Variants in TUSC3 observed in about 807,000 individuals in gnomAD.
TUSC3 encodes dolichyl-diphosphooligosaccharide--protein glycosyltransferase subunit TUSC3.
A neutral mutation model predicts 44.8 loss-of-function variants in TUSC3; 45 were observed. The ratio of observed to expected loss-of-function variants is 1.00; its 90% CI spans 0.79 to 1.29. The LOEUF is 1.29. Ranked by LOEUF, TUSC3 falls within the 50% of genes most tolerant of loss-of-function variation. The pLI is 0.00. For synonymous variants in TUSC3, 212 were observed against 152.9 expected (o/e 1.39, Z -2.85); for missense variants, 519 against 437.9 (o/e 1.19, Z -1.65).
chr8:15,741,962 ATGT>A (rs1238088848), intron 7 of TUSC3, among the ~76,000 whole-genome samples: 3 of 152,160 alleles, frequency 2.0e-5, no homozygotes, highest in Non-Finnish European at 4.4e-5. Flanking sequence ...AATTTTTATC[ATGT>A]TGTTATTAAC....
At chr8:15,433,738 T>C (rs781756963) in intron 1 of TUSC3, among the ~76,000 whole-genome samples, 3 of 152,176 alleles carry the variant, frequency 2.0e-5, no homozygotes, top group South Asian at 2.1e-4. Context: ...TTGAGTGTTT[T>C]TGATGTTAAT....
chr8:15,578,818 T>C (rs569231659), intron 1 of TUSC3, among the ~76,000 whole-genome samples: 60 of 152,266 alleles, frequency 3.9e-4, no homozygotes, highest in Non-Finnish European at 7.6e-4. Flanking sequence ...ATCAGAATGA[T>C]GCTGGCCCTC....
intron 4 of TUSC3, among the ~76,000 whole-genome samples, chr8:15,661,807 T>C (rs1449827384): frequency 6.6e-6 from 1 of 151,398 alleles, no homozygotes; most frequent in Admixed American, 6.6e-5. Flanking sequence ...TTTGTCTATA[T>C]ATATATATAT....
At chr8:15,547,105 C>G (rs1371331527) in intron 1 of TUSC3, among the ~76,000 whole-genome samples, 1 of 151,516 alleles carries the variant, frequency 6.6e-6, no homozygotes, top group East Asian at 2.0e-4. Flanking sequence ...AAGATACCTA[C>G]CAAGTTTGAT....
intron 3 of TUSC3, among the ~76,000 whole-genome samples, chr8:15,651,223 TTCTGGC>T (rs1806890072): frequency 6.6e-6 from 1 of 152,224 alleles, no homozygotes; most frequent in African/African-American, 2.4e-5. Flanking sequence ...ATTGGTCTTA[TTCTGGC>T]ATTTAATTAT....
At chr8:15,699,735 T>G (rs1563179856) in intron 6 of TUSC3, among the ~76,000 whole-genome samples, 1 of 152,174 alleles carries the variant, frequency 6.6e-6, no homozygotes, top group Non-Finnish European at 1.5e-5. Context: ...TTAGTGCCCT[T>G]TACAAAGAGT....
chr8:15,599,262 T>A (rs1254333002), intron 1 of TUSC3, among the ~76,000 whole-genome samples: 1 of 151,864 alleles, frequency 6.6e-6, no homozygotes, highest in East Asian at 1.9e-4. Context: ...CTTTGGCCCA[T>A]TTTAAAATTG....
At chr8:15,422,071 T>A (rs1177179485) in intron 1 of TUSC3, among the ~76,000 whole-genome samples, 7 of 152,166 alleles carry the variant, frequency 4.6e-5, no homozygotes, top group Admixed American at 3.3e-4. Context: ...TTCTTTTCTT[T>A]ACCCATCTTT....
At chr8:15,742,494 TA>T (rs1166580149) in intron 7 of TUSC3, among the ~76,000 whole-genome samples, 2 of 152,194 alleles carry the variant, frequency 1.3e-5, no homozygotes, top group Non-Finnish European at 2.9e-5. Context: ...AATATGGTTA[TA>T]AAAACAAGAC....
intron 6 of TUSC3, among the ~76,000 whole-genome samples, chr8:15,674,167 A>G (rs1808080603): frequency 6.6e-6 from 1 of 152,082 alleles, no homozygotes; most frequent in African/African-American, 2.4e-5. Context: ...AATAGTTTAT[A>G]GCCAATGTCC....
chr8:15,656,589 C>T (rs1807176462), intron 3 of TUSC3, among the ~76,000 whole-genome samples: 1 of 152,160 alleles, frequency 6.6e-6, no homozygotes, highest in South Asian at 2.1e-4. Flanking sequence ...CTTGGGCAGC[C>T]CCACCCACCT....
intron 7 of TUSC3, chr8:15,733,581 G>A (rs1295739560): frequency 1.8e-5 from 4 of 224,514 alleles, no homozygotes; most frequent in South Asian, 1.1e-4. Context: ...CACAAGCAGT[G>A]TGAATGTTTT....
chr8:15,768,178 C>G (rs1812380131), downstream of TUSC3, among the ~76,000 whole-genome samples: 1 of 151,652 alleles, frequency 6.6e-6, no homozygotes, highest in Non-Finnish European at 1.5e-5. Context: ...CTTTTGTCTC[C>G]AGGCATTTAA....
the TUSC3 span, among the ~76,000 whole-genome samples, chr8:15,801,855 A>G: frequency 6.6e-6 from 1 of 152,248 alleles, no homozygotes; most frequent in Non-Finnish European, 1.5e-5. Flanking sequence ...TGAATCAACA[A>G]GGATCCTGAA....
intron 1 of TUSC3, among the ~76,000 whole-genome samples, chr8:15,617,139 T>TGTGTGTGTGTGTGTGTGTGTGTG (rs772712798): frequency 1.0e-4 from 6 of 60,192 alleles, no homozygotes; most frequent in African/African-American, 3.5e-4. Flanking sequence ...TGTGTATATA[T>TGTGTGTGTGTGTGTGTGTGTGTG]TTTTTTTTTT....
chr8:15,435,151 A>T (rs1258236411), intron 1 of TUSC3, among the ~76,000 whole-genome samples: 1 of 149,800 alleles, frequency 6.7e-6, no homozygotes, highest in Admixed American at 6.6e-5. Flanking sequence ...CAGTCCCACC[A>T]ACATTGTAAA....
intron 6 of TUSC3, among the ~76,000 whole-genome samples, chr8:15,705,024 TTTTATACCTTTATTTTATTAG>T (rs1809561470): frequency 1.3e-5 from 2 of 152,194 alleles, no homozygotes; most frequent in South Asian, 4.1e-4. Flanking sequence ...GCATCTCATA[TTTTATACCTTTATTTTATTAG>T]GGTATTATTA....
intron 2 of TUSC3, among the ~76,000 whole-genome samples, chr8:15,503,974 A>G (rs1218502038): frequency 6.7e-6 from 1 of 148,508 alleles, no homozygotes; most frequent in African/African-American, 2.5e-5. Flanking sequence ...AGATCGCACC[A>G]CTGCTCTCCA....
At chr8:15,729,001 G>C (rs1451822237) in intron 6 of TUSC3, among the ~76,000 whole-genome samples, 1 of 152,102 alleles carries the variant, frequency 6.6e-6, no homozygotes, top group African/African-American at 2.4e-5. Flanking sequence ...TTGGTAATGG[G>C]GGAGTCCATT....
Sources: gnomAD v4.1 joint callset for allele counts (sites outside exome capture counted in the v4.1 genomes callset) on GRCh38, gnomAD v4.1.1 for gene constraint, MANE v1.5 for transcripts, NCBI Gene and HGNC (gene_info 2026-07-23, HGNC 2026-07-21) for gene names.